Variants in SHROOM4 observed in about 807,000 individuals in gnomAD.
The protein encoded by SHROOM4 is shroom family member 4, also known as protein Shroom4.
Under a neutral mutation model 80.3 loss-of-function variants are expected in SHROOM4, and 17 were observed. The observed-to-expected ratio is 0.21, with a 90% confidence interval of 0.14 to 0.32. The LOEUF (loss-of-function observed/expected upper bound fraction) is 0.32, where lower values mean the gene tolerates loss of function less well. Ranked by LOEUF, SHROOM4 falls within the 10% of genes least tolerant of loss-of-function variation. The probability of loss-of-function intolerance (pLI) is 1.00; values close to 1 mark genes in which losing one functional copy is unlikely to be tolerated. For missense variants in SHROOM4, 993 were observed against 1,140.3 expected, an observed-to-expected ratio of 0.87 and a Z score of 1.86; for synonymous variants, 400 against 437.5, an observed-to-expected ratio of 0.91 and a Z score of 1.07.
chrX:50,631,419 C>T (rs1931060241), intron 4 of SHROOM4, among the ~76,000 whole-genome samples: 1 of 111,589 alleles, frequency 9.0e-6, no homozygotes, highest in Admixed American at 9.5e-5. Context: ...ACAAAAAAAT[C>T]CTACAGCTAA....
chrX:50,612,243 G>A (rs1465208963), intron 5 of SHROOM4, among the ~76,000 whole-genome samples: 1 of 108,602 alleles, frequency 9.2e-6, no homozygotes. Context: ...CACAGTTACA[G>A]AGTAAATGAA....
chrX:50,774,636 T>C, intron 1 of SHROOM4, among the ~76,000 whole-genome samples: 1 of 106,801 alleles, frequency 9.4e-6, no homozygotes, highest in South Asian at 4.2e-4. Flanking sequence ...AAAAAAATTC[T>C]GATGTCACAG....
At position 50,588,957 on chromosome X, in the gene SHROOM4, T is replaced by C. The variant is rs1390989618; in HGVS notation, c.*7738A>G. 8.9e-6 allele frequency among the ~76,000 whole-genome samples: 1 copy of C among 111,830 alleles called. No homozygotes were observed. The highest frequency in any genetic ancestry group is 3.2e-5 in the African/African-American group (1 of 30,805). ...GGTAGAATCAGGATTTAAAACTTGG[T>C]TTATTTGCCCAATGAGCCGAAGCTC... On this transcript the variant is annotated 3_prime_UTR_variant, in exon 9 of 9. Transcript: ENST00000376020.
intron 5 of SHROOM4, among the ~76,000 whole-genome samples, chrX:50,611,151 T>C (rs904184355): frequency 2.7e-4 from 24 of 87,497 alleles, no homozygotes; most frequent in Middle Eastern, 5.7e-3. Flanking sequence ...TTTCTTTTTT[T>C]TTTTTTTTTT....
chrX:50,621,408 T>C (rs1930567762), intron 5 of SHROOM4, among the ~76,000 whole-genome samples: 1 of 111,935 alleles, frequency 8.9e-6, no homozygotes, highest in Admixed American at 9.5e-5. Flanking sequence ...ATGTACTCTT[T>C]GGTATTTCCG....
intron 1 of SHROOM4, among the ~76,000 whole-genome samples, chrX:50,770,520 A>T (rs782094321): frequency 2.7e-5 from 3 of 112,309 alleles, no homozygotes; most frequent in African/African-American, 9.7e-5. Context: ...AATTCAGGAA[A>T]CAGTTTGAGG....
intron 1 of SHROOM4, among the ~76,000 whole-genome samples, chrX:50,762,060 TTCC>T (rs1433906271): frequency 8.9e-6 from 1 of 112,110 alleles, no homozygotes; most frequent in African/African-American, 3.2e-5. Context: ...ATAGCTCCAT[TTCC>T]TCCTTCTTCC....
intron 1 of SHROOM4, among the ~76,000 whole-genome samples, chrX:50,778,347 A>G (rs1602507017): frequency 8.9e-6 from 1 of 112,325 alleles, no homozygotes; most frequent in East Asian, 2.8e-4. Flanking sequence ...ATTGCAAGTT[A>G]TCTATTGGTA....
At chrX:50,628,425 C>G (rs1178055044) in intron 4 of SHROOM4, among the ~76,000 whole-genome samples, 1 of 111,505 alleles carries the variant, frequency 9.0e-6, no homozygotes, top group Non-Finnish European at 1.9e-5. Flanking sequence ...TATTTTAGCT[C>G]CAAACTGAAT....
At chrX:50,618,158 A>G (rs1557251078) in intron 5 of SHROOM4, among the ~76,000 whole-genome samples, 1 of 111,115 alleles carries the variant, frequency 9.0e-6, no homozygotes, top group Non-Finnish European at 1.9e-5. Context: ...TCCTAAATGT[A>G]CAGAAATTTG....
Position 50,633,967 on chromosome X carries a change from C to G in SHROOM4, c.2106G>C (p.Trp702Cys). 8.3e-7 allele frequency: 1 copy of G among 1,211,782 alleles called. No homozygotes were observed. Among genetic ancestry groups the G allele is most frequent in the African/African-American group, 1.7e-5 (1 of 57,809 alleles). Residue 702 changes from tryptophan to cysteine, a missense_variant, in exon 4 of 9, where the codon TGG becomes TGC. Transcript: ENST00000376020. ...GQSSLGLNTWWKAPDPSSSDP... is the reference protein window; with the variant it reads ...GQSSLGLNTWCKAPDPSSSDP... ...CTGAGGAGGATGGGTCAGGTGCTTTCCACCAGGTGTTCAGGCCCAAAGAGG... is the reference window on the plus strand; with the variant it reads ...CTGAGGAGGATGGGTCAGGTGCTTTGCACCAGGTGTTCAGGCCCAAAGAGG...
chrX:50,803,587 T>C (rs976135021), intron 1 of SHROOM4, among the ~76,000 whole-genome samples: 1 of 111,903 alleles, frequency 8.9e-6, no homozygotes, highest in East Asian at 2.8e-4. Flanking sequence ...TCTTCCTTTT[T>C]TCACAAAACA....
At chrX:50,716,781 T>A (rs1933965357) in intron 1 of SHROOM4, among the ~76,000 whole-genome samples, 1 of 112,153 alleles carries the variant, frequency 8.9e-6, no homozygotes, top group Non-Finnish European at 1.9e-5. Flanking sequence ...CCTATATGGT[T>A]TCCCAGACTT....
At chrX:50,682,891 G>A in intron 2 of SHROOM4, among the ~76,000 whole-genome samples, 1 of 111,785 alleles carries the variant, frequency 8.9e-6, no homozygotes, top group Non-Finnish European at 1.9e-5. Flanking sequence ...ATTTGAGTCA[G>A]TGGGCTGGGG....
intron 1 of SHROOM4, among the ~76,000 whole-genome samples, chrX:50,723,922 T>C (rs1406878611): frequency 9.0e-6 from 1 of 110,704 alleles, no homozygotes; most frequent in African/African-American, 3.3e-5. Context: ...GGTCGAGACA[T>C]TTTAACTAAA....
intron 1 of SHROOM4, among the ~76,000 whole-genome samples, chrX:50,753,444 T>A (rs984187717): frequency 8.0e-5 from 9 of 111,948 alleles, no homozygotes; most frequent in Non-Finnish European, 1.3e-4. Context: ...GTGCCTTTCC[T>A]CATCACTTCA....
chrX:50,578,299 AATTT>A, the SHROOM4 span, among the ~76,000 whole-genome samples: 115 of 111,728 alleles, frequency 1.0e-3, no homozygotes, highest in Non-Finnish European at 1.6e-3. Context: ...TAAATTAATT[AATTT>A]ATTTATTTTT....
At chrX:50,693,635 C>T (rs2147449997) in intron 2 of SHROOM4, among the ~76,000 whole-genome samples, 1 of 105,266 alleles carries the variant, frequency 9.5e-6, no homozygotes, top group African/African-American at 3.5e-5. Context: ...TTTGGGGGTA[C>T]ATGTATCATT....
intron 1 of SHROOM4, among the ~76,000 whole-genome samples, chrX:50,780,900 T>TAA (rs1396474682): frequency 9.0e-6 from 1 of 111,241 alleles, no homozygotes; most frequent in Admixed American, 9.6e-5. Context: ...TTATAGAGGC[T>TAA]AAAAAGTTCC....
Sources: gnomAD v4.1 joint callset for allele counts (sites outside exome capture counted in the v4.1 genomes callset) on GRCh38, gnomAD v4.1.1 for gene constraint, MANE v1.5 for transcripts, NCBI Gene and HGNC (gene_info 2026-07-23, HGNC 2026-07-21) for gene names.